The following AP1S2 variants were observed in gnomAD, a reference collection of about 807,000 sequenced individuals.
AP1S2 encodes the protein adaptor related protein complex 1 subunit sigma 2.
In AP1S2, 1 loss-of-function variant was observed where a neutral mutation model predicts 14.3. The observed-to-expected ratio is 0.07, with a 90% CI of 0.02 to 0.33. The LOEUF is 0.33. AP1S2 is among the 10% of genes least tolerant of loss of function. AP1S2 has a pLI of 0.99. For missense variants in AP1S2, 30 were observed against 117.7 expected (o/e 0.25, Z 3.45); for synonymous variants, 30 against 40.5 (o/e 0.74, Z 0.99).
chrX:15,852,182 A>C (rs896168640), intron 2 of AP1S2, among the ~76,000 whole-genome samples, 164 bp downstream of exon 2: 3 of 112,551 alleles, frequency 2.7e-5, no homozygotes, highest in African/African-American at 9.7e-5. Context: ...AGTAATTATC[A>C]ATCAAAACAC....
intron 4 of AP1S2, among the ~76,000 whole-genome samples, chrX:15,834,480 A>ATATATATATATATATAT (rs1483118039): frequency 2.4e-3 from 49 of 20,328 alleles, no homozygotes; most frequent in Non-Finnish European, 2.5e-3. Context: ...ATATATATAT[A>ATATATATATATATATAT]ATTTTTTTTT....
chrX:15,846,800 C>T (rs764488237), intron 2 of AP1S2, among the ~76,000 whole-genome samples: 71 of 111,916 alleles, frequency 6.3e-4, no homozygotes, highest in Non-Finnish European at 1.2e-3. Context: ...CCAAGTTCTA[C>T]ACTGTTGAAC....
At position 15,834,439 on chromosome X, in the gene AP1S2, AATATATATATAT is replaced by A. The variant is rs1161066866; in HGVS notation, c.427-6251_427-6240del. On this transcript the variant is annotated intron_variant, in intron 4 of 5. Coordinates refer to ENST00000672987, the MANE Select transcript of AP1S2 (RefSeq NM_001272071.2). ...ATTCCACTCCCATTCTCCCTTCCAA[AATATATATATAT>A]ATATATATATATATATATATATATA... 8.6e-3 allele frequency among the ~76,000 whole-genome samples: 216 copies of A among 25,121 alleles called. 4 individuals are homozygous for A. The highest frequency in any genetic ancestry group is 0.025 in the African/African-American group (180 of 7,093). 21.8% of individuals were successfully genotyped at this position (25,121 alleles called of 115,157 possible). A position where few individuals can be genotyped will look rare whatever the true frequency, so the allele number is the denominator to read the frequency against.
rs1177608455 is a variant in AP1S2, at chrX:15,826,812, AGTCT to A, written c.*509_*512del. ...AAAAAGGTATGTAATTTCCAATACA[AGTCT>A]TTGGAGTAAATTTGCTTTTTAAAGT... is the stretch of plus-strand genomic sequence containing the variant. On this transcript the variant is annotated 3_prime_UTR_variant, in exon 6 of 6. Coordinates refer to ENST00000672987, the MANE Select transcript of AP1S2 (RefSeq NM_001272071.2). 1 of 110,264 alleles carries A rather than the reference AGTCT, an allele frequency of 9.1e-6. No individual in the cohort carries two copies. Among genetic ancestry groups the A allele is most frequent in the East Asian group, 2.8e-4 (1 of 3,544 alleles). The allele number at this position is 110,264 out of a possible 1,213,427, so 9.1% of individuals were successfully genotyped here.
chrX:15,829,936 A>AGAT (rs1483874061), intron 4 of AP1S2: 1 of 192,692 alleles, frequency 5.2e-6, no homozygotes, highest in Non-Finnish European at 7.8e-6. Flanking sequence ...AAACTGCGTA[A>AGAT]GATGGTGAAT....
chrX:15,834,128 C>T (rs1372813770), intron 4 of AP1S2, among the ~76,000 whole-genome samples: 2 of 108,343 alleles, frequency 1.8e-5, no homozygotes, highest in Non-Finnish European at 3.8e-5. Flanking sequence ...CAACCTGAAA[C>T]GGGCTTTCAA....
intron 4 of AP1S2, among the ~76,000 whole-genome samples, chrX:15,837,826 C>T (rs1001634559): frequency 1.5e-4 from 17 of 109,845 alleles, no homozygotes; most frequent in Admixed American, 1.2e-3. Flanking sequence ...AGGTTGGTCT[C>T]GATCTCCTGA....
Position 15,827,772 on chromosome X carries a change from T to G in AP1S2, c.436-400A>C, listed in dbSNP as rs776346522. ...TCCCACAGTTCTTCGCCTACTGTTG[T>G]GTTCCATGCTTTTTGTCACATGCAT... On this transcript the variant is annotated intron_variant, in intron 5 of 5. Transcript: ENST00000672987. Among the ~76,000 whole-genome samples, 3 of 111,907 alleles carry G rather than the reference T, an allele frequency of 2.7e-5. No individual in the cohort carries two copies. In the South Asian group the frequency reaches 1.1e-3, roughly 41 times the overall value.
intron 4 of AP1S2, chrX:15,832,220 G>A (rs1933457374): frequency 4.9e-5 from 35 of 713,364 alleles, no homozygotes; most frequent in Non-Finnish European, 5.8e-5. Flanking sequence ...ACAAAATGAT[G>A]TGCAAATTTT....
At position 15,827,246 on chromosome X, in the gene AP1S2, T is replaced by G; in HGVS notation, c.*79A>C. 759 of 910,189 alleles carry G rather than the reference T, an allele frequency of 8.3e-4. No individual in the cohort carries two copies. The highest frequency in any genetic ancestry group is 1.1e-3 in the Non-Finnish European group (694 of 620,977). The allele number at this position is 910,189 out of a possible 1,213,427, so 75.0% of individuals were successfully genotyped here. ...ACTGACAAGACATCATCTTACACCA[T>G]GAGCTAACATGGACATGAAGGGAGT... On this transcript the variant is annotated 3_prime_UTR_variant, in exon 6 of 6. Transcript: ENST00000672987.
At chrX:15,829,933 G>GT (rs1569077807) in intron 4 of AP1S2, 1 of 186,743 alleles carries the variant, frequency 5.4e-6, no homozygotes, top group African/African-American at 3.1e-5. Context: ...TTAAAACTGC[G>GT]TAAGATGGTG....
chrX:15,846,335 A>T (rs1216608698), intron 2 of AP1S2, among the ~76,000 whole-genome samples: 1 of 112,306 alleles, frequency 8.9e-6, no homozygotes, highest in Non-Finnish European at 1.9e-5. Flanking sequence ...ATTAAAACAA[A>T]ATATATAGCA....
chrX:15,847,324 C>CG (rs1555904280), intron 2 of AP1S2, among the ~76,000 whole-genome samples: 1 of 104,305 alleles, frequency 9.6e-6, no homozygotes, highest in East Asian at 3.0e-4. Flanking sequence ...TAAAAAAAGA[C>CG]AAAAAAAAAA....
chrX:15,847,936 TAAAC>T (rs374211031), intron 2 of AP1S2, among the ~76,000 whole-genome samples: 1 of 111,951 alleles, frequency 8.9e-6, no homozygotes, highest in Non-Finnish European at 1.9e-5. Context: ...ATGCTACTAT[TAAAC>T]AAGCTAATGC....
chrX:15,852,503 T>G lies in AP1S2; in HGVS notation c.22A>C (p.Ser8Arg). MQFMLLFSRQGKLRLQKW... is the reference protein window; with the variant it reads MQFMLLFRRQGKLRLQKW... ...TGCAGTCGAAGCTTTCCCTGACGAC[T>G]AAAAAGCAACATAAACTGCATCTGT... The change falls in exon 2 of 6, where the codon AGT becomes CGT. Residue 8 changes from serine to arginine, a missense_variant. By Grantham distance (110) the Ser-to-Arg change is moderately radical. Around this residue, in one of 3 missense-constraint regions of AP1S2, gnomAD observed 13 missense variants for 52.9 expected, o/e 0.25. Transcript: ENST00000672987. 8.3e-7 allele frequency: 1 copy of G among 1,208,600 alleles called. No individual in the cohort carries two copies. Among genetic ancestry groups the G allele is most frequent in the Non-Finnish European group, 1.1e-6 (1 of 893,321 alleles).
chrX:15,850,353 C>A (rs1471054156), intron 2 of AP1S2, among the ~76,000 whole-genome samples: 1 of 110,026 alleles, frequency 9.1e-6, no homozygotes, highest in African/African-American at 3.3e-5. Context: ...TCGCTGCTCT[C>A]TCCGCTTTGT....
intron 4 of AP1S2, chrX:15,844,938 T>TAAAAATATG (rs1158415948): frequency 1.4e-6 from 1 of 710,708 alleles, no homozygotes; most frequent in African/African-American, 2.4e-5. Flanking sequence ...GGACATGAGG[T>TAAAAATATG]AAAAATATGA....
chrX:15,841,651 C>T (rs1933837725), intron 4 of AP1S2, among the ~76,000 whole-genome samples: 1 of 111,791 alleles, frequency 8.9e-6, no homozygotes, highest in Non-Finnish European at 1.9e-5. Flanking sequence ...TTTATATCTA[C>T]ATATCCAATA....
chrX:15,844,725 A>C (rs1017953776), intron 4 of AP1S2, among the ~76,000 whole-genome samples: 1 of 112,383 alleles, frequency 8.9e-6, no homozygotes, highest in Non-Finnish European at 1.9e-5. Context: ...TGACTATGGT[A>C]ATTAGAAAGA....
Sources: gnomAD v4.1 joint callset for allele counts (sites outside exome capture counted in the v4.1 genomes callset) on GRCh38, gnomAD v4.1.1 for gene constraint, gnomAD v4.1.1 regional missense constraint, MANE v1.5 for transcripts, NCBI Gene and HGNC (gene_info 2026-07-23, HGNC 2026-07-21) for gene names.